Variants in ROR2 observed in about 807,000 individuals in gnomAD.
ROR2 encodes ROR family WNT receptor 2, also known as tyrosine-protein kinase transmembrane receptor ROR2.
ROR2 carries 33 observed loss-of-function variants against 74.9 expected under a neutral mutation model. The observed-to-expected ratio is 0.44, with a 90% confidence interval of 0.33 to 0.59. The LOEUF is 0.59. ROR2 is among the 20% of genes least tolerant of loss of function. The pLI is 0.02. For synonymous variants in ROR2, 586 were observed against 558.7 expected (o/e 1.05, Z -0.69); for missense variants, 1,216 against 1,313.8 (o/e 0.93, Z 1.15).
At chr9:91,898,374 C>T (rs1020955393) in intron 1 of ROR2, among the ~76,000 whole-genome samples, 1 of 152,082 alleles carries the variant, frequency 6.6e-6, no homozygotes, top group African/African-American at 2.4e-5. Context: ...CTCACAAAAC[C>T]CTGTGGGGAG....
intron 6 of ROR2, among the ~76,000 whole-genome samples, chr9:91,732,189 C>T (rs10992071): frequency 0.14 from 21,729 of 152,090 alleles, 1,658 homozygotes; most frequent in East Asian, 0.31. Context: ...GGAGGTGGCC[C>T]GTTCCCTAGG....
chr9:91,787,643 C>T (rs1263281030), intron 1 of ROR2, among the ~76,000 whole-genome samples: 1 of 152,066 alleles, frequency 6.6e-6, no homozygotes, highest in Non-Finnish European at 1.5e-5. Flanking sequence ...AGTAACGAGG[C>T]AAACACCATC....
chr9:91,733,475 C>G lies in ROR2; in HGVS notation c.623-39G>C, dbSNP rs1408228308. ...GAGACTCGCGTTAGCGGGGGACCCA[C>G]CTTGCGCCCTTGACATTCATCCAGT... is the stretch of plus-strand genomic sequence containing the variant. On this transcript the variant is annotated intron_variant, in intron 5 of 8. Coordinates refer to ENST00000375708, the MANE Select transcript of ROR2 (RefSeq NM_004560.4). This position sits in a 1 kb window ranked among gnomAD's most constrained non-coding sequence, Gnocchi z 5.7. 1 of 1,581,300 alleles carries G rather than the reference C, an allele frequency of 6.3e-7. No homozygotes were observed. The highest frequency in any genetic ancestry group is 8.6e-7 in the Non-Finnish European group (1 of 1,167,306).
chr9:91,726,068 C>A (rs1837019026), intron 8 of ROR2, among the ~76,000 whole-genome samples: 1 of 152,248 alleles, frequency 6.6e-6, no homozygotes, highest in Non-Finnish European at 1.5e-5. Context: ...TCTAAGGCTG[C>A]TCTGGGATGA....
At position 91,767,319 on chromosome 9, in the gene ROR2, C is replaced by T. The variant is rs1338935805; in HGVS notation, c.175+8422G>A. Among the ~76,000 whole-genome samples the T allele has an allele frequency of 3.9e-5, 6 of 152,124 alleles. No homozygotes were observed. In the East Asian group the frequency reaches 1.2e-3, roughly 29 times the overall value. ...TGATCTCCTGACCTCGTGATCCACC[C>T]GCCTCAGCCTCCCAAAGTGCTGGGA... On this transcript the variant is annotated intron_variant, in intron 2 of 8. Coordinates refer to ENST00000375708, the MANE Select transcript of ROR2 (RefSeq NM_004560.4).
intron 1 of ROR2, among the ~76,000 whole-genome samples, chr9:91,840,731 T>A (rs1828756946): frequency 6.6e-6 from 1 of 152,240 alleles, no homozygotes. Flanking sequence ...AATGCCAGCC[T>A]GGGTGACTCT....
chr9:91,916,861 A>G (rs1338192070), intron 1 of ROR2, among the ~76,000 whole-genome samples: 2 of 152,112 alleles, frequency 1.3e-5, no homozygotes, highest in Non-Finnish European at 2.9e-5. Context: ...GGCCACCAAC[A>G]TGGTAGAAAG....
At chr9:91,852,768 G>C (rs1050377614) in intron 1 of ROR2, among the ~76,000 whole-genome samples, 9 of 152,186 alleles carry the variant, frequency 5.9e-5, no homozygotes, top group African/African-American at 2.2e-4. Context: ...GAAAGAAGAG[G>C]ACAAGGATGC....
At chr9:91,854,018 T>C (rs987123472) in intron 1 of ROR2, among the ~76,000 whole-genome samples, 4 of 150,540 alleles carry the variant, frequency 2.7e-5, no homozygotes, top group Admixed American at 1.3e-4. Context: ...TGAAGTGGAG[T>C]AGGAAGGAGA....
intron 1 of ROR2, among the ~76,000 whole-genome samples, chr9:91,906,860 G>A (rs995504933): frequency 6.6e-6 from 1 of 152,126 alleles, no homozygotes; most frequent in African/African-American, 2.4e-5. Context: ...AGTGGATTCA[G>A]GTTTTCAGGC....
chr9:91,727,250 G>A (rs993414769), intron 7 of ROR2, among the ~76,000 whole-genome samples: 3 of 152,116 alleles, frequency 2.0e-5, no homozygotes, highest in Non-Finnish European at 2.9e-5. Context: ...AATGATGACA[G>A]ATTCTTTTAG....
intron 4 of ROR2, among the ~76,000 whole-genome samples, chr9:91,753,486 G>A (rs997303871): frequency 6.6e-5 from 10 of 152,298 alleles, no homozygotes; most frequent in East Asian, 1.9e-4. Flanking sequence ...TGACGTTGTC[G>A]GGAAAGTAAC....
intron 1 of ROR2, among the ~76,000 whole-genome samples, chr9:91,847,509 C>T (rs1828966608): frequency 2.6e-5 from 4 of 152,230 alleles, no homozygotes. Context: ...CCCCACTTCC[C>T]ACATAAAGAG....
chr9:91,822,268 T>C (rs1447223856), intron 1 of ROR2, among the ~76,000 whole-genome samples: 1 of 152,168 alleles, frequency 6.6e-6, no homozygotes, highest in Admixed American at 6.5e-5. Flanking sequence ...CCAGCATCCA[T>C]GCATTGGTGT....
intron 1 of ROR2, among the ~76,000 whole-genome samples, chr9:91,904,448 TG>T (rs1293337297): frequency 1.3e-5 from 2 of 152,168 alleles, no homozygotes; most frequent in Non-Finnish European, 2.9e-5. Context: ...GCCCAAGGGC[TG>T]GGGTAGGGAG....
intron 1 of ROR2, among the ~76,000 whole-genome samples, chr9:91,861,291 G>A (rs904553156): frequency 7.9e-5 from 12 of 151,980 alleles, no homozygotes; most frequent in Non-Finnish European, 1.5e-4. Flanking sequence ...TAATTCATAT[G>A]GAAATGTGAG....
intron 1 of ROR2, among the ~76,000 whole-genome samples, chr9:91,898,752 GAC>G (rs759025484): frequency 4.0e-4 from 61 of 152,296 alleles, no homozygotes; most frequent in Middle Eastern, 3.4e-3. Flanking sequence ...CCCTTCTCCT[GAC>G]TATTAGTCAC....
At chr9:91,924,711 G>T (rs570631527) in intron 1 of ROR2, among the ~76,000 whole-genome samples, 197 of 152,188 alleles carry the variant, frequency 1.3e-3, no homozygotes, top group African/African-American at 4.5e-3. Flanking sequence ...GAGAATGGCG[G>T]GAACCCAGGA....
At chr9:91,840,487 T>C (rs1326392927) in intron 1 of ROR2, among the ~76,000 whole-genome samples, 1 of 152,170 alleles carries the variant, frequency 6.6e-6, no homozygotes, top group Non-Finnish European at 1.5e-5. Context: ...ACAGGAGAGA[T>C]GTCTGACGTT....
Sources: gnomAD v4.1 joint callset for allele counts (sites outside exome capture counted in the v4.1 genomes callset) on GRCh38, gnomAD v4.1.1 for gene constraint, Gnocchi (gnomAD v3.1) non-coding constraint, MANE v1.5 for transcripts, NCBI Gene and HGNC (gene_info 2026-07-23, HGNC 2026-07-21) for gene names.